Variants in NDRG2 observed in about 807,000 individuals in gnomAD.
NDRG2 encodes the protein protein NDRG2.
In NDRG2, 34 loss-of-function variants were observed where a neutral mutation model predicts 58.2. That is an observed-to-expected ratio of 0.58 (90% CI 0.44 to 0.78). The LOEUF (loss-of-function observed/expected upper bound fraction) is 0.78. Among genes scored for constraint, NDRG2 ranks in the 30% least tolerant of loss-of-function variants. NDRG2 has a pLI of 0.00. For synonymous variants in NDRG2, 187 were observed against 175.9 expected, an observed-to-expected ratio of 1.06 and a Z score of -0.50; for missense variants, 434 against 471.2, an observed-to-expected ratio of 0.92 and a Z score of 0.73.
At chr14:21,035,034 GCTT>G (rs1884526557) in intron 1 of NDRG2, among the ~76,000 whole-genome samples, 3 of 152,228 alleles carry the variant, frequency 2.0e-5, no homozygotes, top group Admixed American at 1.3e-4. Flanking sequence ...GGAACAAAGT[GCTT>G]CTTATTCCTG....
chr14:21,030,318 G>T (rs1348511129), upstream of NDRG2: 1 of 455,306 alleles, frequency 2.2e-6, no homozygotes, highest in African/African-American at 2.0e-5. Context: ...CATAAAAGAG[G>T]TAGGGGAAAG....
chr14:21,024,711 A>C lies in NDRG2; in HGVS notation c.-688T>G. ...CAAGCGCCATCGGGAAGGGATGGGT[A>C]GGACAGAGGAGACCGGCCGGGCCCA... On this transcript the variant is annotated 5_prime_UTR_variant, in exon 1 of 16. Coordinates refer to ENST00000556147, the MANE Select transcript of NDRG2 (RefSeq NM_001320329.2). 1.0e-6 allele frequency: 1 copy of C among 985,344 alleles called. No homozygotes were observed. The highest frequency in any genetic ancestry group is 1.2e-6 in the Non-Finnish European group (1 of 829,930). The allele number at this position is 985,344 out of a possible 1,614,324, so 61.0% of individuals were successfully genotyped here.
intron 1 of NDRG2, among the ~76,000 whole-genome samples, chr14:21,066,696 A>G (rs1886287723): frequency 6.6e-6 from 1 of 152,236 alleles, no homozygotes; most frequent in Non-Finnish European, 1.5e-5. Flanking sequence ...ATCAGAAGGT[A>G]AGAGTGGAAC....
At chr14:21,027,575 C>T (rs1053214562), upstream of NDRG2, among the ~76,000 whole-genome samples, 23 of 152,196 alleles carry the variant, frequency 1.5e-4, no homozygotes, top group Non-Finnish European at 3.2e-4. Context: ...GGTATAGTAT[C>T]CCCTGATGGA....
At chr14:21,030,739 T>C (rs1371907998), upstream of NDRG2, 2 of 1,613,880 alleles carry the variant, frequency 1.2e-6, no homozygotes, top group Admixed American at 3.3e-5. Flanking sequence ...GTGGACATCG[T>C]GTTCAGCAAA....
chr14:21,054,861 C>T (rs117425872), intron 1 of NDRG2, among the ~76,000 whole-genome samples: 1 of 152,154 alleles, frequency 6.6e-6, no homozygotes, highest in Non-Finnish European at 1.5e-5. Context: ...TCTTTACTTT[C>T]CACCAAGAAC....
chr14:21,034,662 A>C, intron 1 of NDRG2: 1 of 204,368 alleles, frequency 4.9e-6, no homozygotes. Flanking sequence ...TGACCTGACA[A>C]TTCTCTGGCA....
chr14:21,036,226 T>A (rs1419437605), intron 1 of NDRG2: 1 of 456,332 alleles, frequency 2.2e-6, no homozygotes, highest in Middle Eastern at 3.3e-4. Flanking sequence ...GCACACACAC[T>A]CCAACTCCAG....
chr14:21,035,621 T>C (rs1884571880), intron 1 of NDRG2, among the ~76,000 whole-genome samples: 1 of 151,826 alleles, frequency 6.6e-6, no homozygotes, highest in Admixed American at 6.5e-5. Flanking sequence ...GAAAGCTGAG[T>C]GCTCCAACAC....
Position 21,061,901 on chromosome 14 carries a change from T to C in NDRG2, c.24+8927A>G, listed in dbSNP as rs1161362738. Among the ~76,000 whole-genome samples the C allele has an allele frequency of 2.0e-5, 3 of 152,226 alleles. No individual in the cohort carries two copies. In the East Asian group the frequency reaches 5.8e-4, roughly 29 times the overall value. The stretch of plus-strand genomic sequence containing the variant: ...TGTTAGATTTATAAAGGTTTTTAAG[T>C]ATTCAGGAATGTTTTGCTGGTTAGC... On this transcript the variant is annotated intron_variant, in intron 1 of 14. Coordinates refer to the NDRG2 transcript ENST00000403829.
chr14:21,049,846 C>A (rs537370929), intron 1 of NDRG2, among the ~76,000 whole-genome samples: 31 of 151,202 alleles, frequency 2.1e-4, no homozygotes, highest in Non-Finnish European at 3.8e-4. Context: ...CTCATTGCAA[C>A]CTTGTTGAGC....
intron 1 of NDRG2, among the ~76,000 whole-genome samples, chr14:21,063,088 C>G (rs1886055643): frequency 6.6e-6 from 1 of 151,876 alleles, no homozygotes; most frequent in Non-Finnish European, 1.5e-5. Flanking sequence ...TGAGATTTCA[C>G]CACTGTACTC....
At chr14:21,047,882 G>A (rs1374835968) in intron 1 of NDRG2, among the ~76,000 whole-genome samples, 1 of 152,114 alleles carries the variant, frequency 6.6e-6, no homozygotes, top group African/African-American at 2.4e-5. Flanking sequence ...TGAAGTAAAT[G>A]AGCCCTAGAC....
chr14:21,070,762 A>G lies in NDRG2; in HGVS notation c.24+66T>C. On this transcript the variant is annotated intron_variant, in intron 1 of 14. Transcript: ENST00000403829. The surrounding 1 kb of genome is among the most constrained non-coding windows in gnomAD (Gnocchi z 4.7). ...GGTCCGAGCTCCTTACCCGCGGGAG[A>G]CCCCTGCGGGTTGGTCCTGCAGCGA... 1 of 1,491,912 alleles carries G rather than the reference A, an allele frequency of 6.7e-7. No homozygotes were observed. Among genetic ancestry groups the G allele is most frequent in the South Asian group, 1.2e-5 (1 of 82,922 alleles). The allele number at this position is 1,491,912 out of a possible 1,614,324, so 92.4% of individuals were successfully genotyped here. A position where few individuals can be genotyped will look rare whatever the true frequency, so the allele number is the denominator to read the frequency against.
At chr14:21,044,457 G>A (rs1885052910) in intron 1 of NDRG2, among the ~76,000 whole-genome samples, 1 of 152,166 alleles carries the variant, frequency 6.6e-6, no homozygotes, top group Non-Finnish European at 1.5e-5. Flanking sequence ...GTGGCCCTGA[G>A]CCTGCTTGTC....
intron 1 of NDRG2, among the ~76,000 whole-genome samples, chr14:21,045,527 G>A (rs1885104351): frequency 6.6e-6 from 1 of 152,088 alleles, no homozygotes; most frequent in Non-Finnish European, 1.5e-5. Context: ...TTCACTTGTG[G>A]TGCACAGAAA....
intron 1 of NDRG2, among the ~76,000 whole-genome samples, chr14:21,047,832 C>A (rs979017710): frequency 2.6e-5 from 4 of 152,020 alleles, no homozygotes; most frequent in Non-Finnish European, 5.9e-5. Context: ...GGGGAGGAGA[C>A]TTTTCTACAT....
chr14:21,061,580 TG>T (rs57683165), intron 1 of NDRG2, among the ~76,000 whole-genome samples: 3,352 of 152,268 alleles, frequency 0.022, 139 homozygotes, highest in African/African-American at 0.077. Context: ...GTGTGTTCTC[TG>T]GGCCCCTGAG....
chr14:21,046,471 T>A (rs942118848), intron 1 of NDRG2, among the ~76,000 whole-genome samples: 3 of 152,162 alleles, frequency 2.0e-5, no homozygotes, highest in Admixed American at 1.3e-4. Context: ...CAGTGAGCCA[T>A]GATCTGCACT....
Sources: gnomAD v4.1 joint callset for allele counts (sites outside exome capture counted in the v4.1 genomes callset) on GRCh38, gnomAD v4.1.1 for gene constraint, Gnocchi (gnomAD v3.1) non-coding constraint, MANE v1.5 for transcripts, NCBI Gene and HGNC (gene_info 2026-07-23, HGNC 2026-07-21) for gene names.